Variants in TTC28 observed in about 807,000 individuals in gnomAD.
The protein encoded by TTC28 is tetratricopeptide repeat protein 28.
Under a neutral mutation model 198.0 loss-of-function variants are expected in TTC28, and 61 were observed. That is an observed-to-expected ratio of 0.31 (90% CI 0.25 to 0.38). The LOEUF (loss-of-function observed/expected upper bound fraction) is 0.38. Among genes scored for constraint, TTC28 ranks in the 10% least tolerant of loss-of-function variants. TTC28 has a pLI of 1.00. For missense variants in TTC28, 2,678 were observed against 3,164.0 expected (o/e 0.85, Z 3.69); for synonymous variants, 1,171 against 1,297.8 (o/e 0.90, Z 2.10).
intron 2 of TTC28, among the ~76,000 whole-genome samples, chr22:28,426,787 A>G (rs573955261): frequency 1.3e-5 from 2 of 152,312 alleles, no homozygotes; most frequent in East Asian, 3.9e-4. Context: ...TTAGAGGTCC[A>G]AAAGAATAAC....
intron 12 of TTC28, among the ~76,000 whole-genome samples, chr22:28,040,634 G>A (rs760816831): frequency 2.6e-5 from 4 of 152,100 alleles, no homozygotes; most frequent in Non-Finnish European, 4.4e-5. Context: ...ATACCATACC[G>A]AATGGGCAAA....
chr22:28,129,216 G>A (rs1275941247), intron 6 of TTC28, among the ~76,000 whole-genome samples: 1 of 152,120 alleles, frequency 6.6e-6, no homozygotes, highest in African/African-American at 2.4e-5. Context: ...CCATTAACAG[G>A]GGCAAACTAA....
intron 5 of TTC28, among the ~76,000 whole-genome samples, chr22:28,243,030 T>G (rs1929771856): frequency 2.8e-5 from 4 of 144,712 alleles, no homozygotes; most frequent in Admixed American, 2.8e-4. Context: ...CTATTTAATC[T>G]AATAATTAAA....
chr22:28,067,808 C>T (rs756487736), intron 12 of TTC28, among the ~76,000 whole-genome samples: 1 of 152,176 alleles, frequency 6.6e-6, no homozygotes, highest in Non-Finnish European at 1.5e-5. Flanking sequence ...AGACACTTCA[C>T]AGCTGTTCTT....
intron 5 of TTC28, among the ~76,000 whole-genome samples, chr22:28,227,424 G>A (rs543153314): frequency 9.9e-5 from 15 of 152,142 alleles, no homozygotes; most frequent in Non-Finnish European, 1.6e-4. Context: ...TTTGTGTATC[G>A]AAGGTCACTA....
intron 2 of TTC28, among the ~76,000 whole-genome samples, chr22:28,342,923 C>A (rs746300892): frequency 1.3e-5 from 2 of 152,052 alleles, no homozygotes; most frequent in Admixed American, 1.3e-4. Flanking sequence ...ATTAGGTCCA[C>A]GAGAGGAAAT....
intron 21 of TTC28, among the ~76,000 whole-genome samples, chr22:27,989,254 T>A (rs1937314558): frequency 6.6e-6 from 1 of 152,196 alleles, no homozygotes; most frequent in Admixed American, 6.5e-5. Flanking sequence ...GTACCCATGG[T>A]CTCTCAGAGG....
intron 19 of TTC28, 158 bp downstream of exon 19, chr22:27,992,428 AG>A: frequency 8.3e-6 from 6 of 726,310 alleles, no homozygotes; most frequent in Middle Eastern, 4.0e-4. Flanking sequence ...CTTGCCAGGC[AG>A]GGCTATTCTC....
At chr22:28,350,764 A>G (rs1455193020) in intron 2 of TTC28, among the ~76,000 whole-genome samples, 2 of 152,258 alleles carry the variant, frequency 1.3e-5, no homozygotes, top group African/African-American at 4.8e-5. Flanking sequence ...AAAATAACCT[A>G]AGAGATATTT....
chr22:28,308,863 T>G (rs1282698081), intron 2 of TTC28, among the ~76,000 whole-genome samples: 1 of 152,190 alleles, frequency 6.6e-6, no homozygotes, highest in Non-Finnish European at 1.5e-5. Context: ...TTTATAAGAT[T>G]TACCTGTTAA....
chr22:28,163,362 G>T lies in TTC28; in HGVS notation c.1171C>A (p.Arg391=). 3.2e-6 allele frequency: 5 copies of T among 1,552,024 alleles called. No individual in the cohort carries two copies. Among genetic ancestry groups the T allele is most frequent in the Non-Finnish European group, 4.4e-6 (5 of 1,147,068 alleles). ...TTGCTATAAGCCCGGGCCTCTTCTC[G>T]CTTGTTCCCCAGGTCCTTGGCTATC... ...LKIAKDLGNK[R]EEARAYSNLG... The change falls in exon 6 of 23, where the codon CGA becomes AGA. Residue 391 remains arginine, a synonymous_variant. Coordinates refer to ENST00000397906, the MANE Select transcript of TTC28 (RefSeq NM_001145418.2).
chr22:28,177,617 A>C (rs1301371088), intron 5 of TTC28, among the ~76,000 whole-genome samples: 1 of 152,222 alleles, frequency 6.6e-6, no homozygotes, highest in Non-Finnish European at 1.5e-5. Flanking sequence ...TGTCTTTCAA[A>C]AGGTGAATGG....
chr22:28,075,076 A>G (rs1389179186), intron 12 of TTC28, among the ~76,000 whole-genome samples: 2 of 151,908 alleles, frequency 1.3e-5, no homozygotes. Context: ...TAACAGAGAG[A>G]GATTCTGTCT....
chr22:28,429,349 C>A (rs1295408869), intron 2 of TTC28, among the ~76,000 whole-genome samples: 1 of 152,158 alleles, frequency 6.6e-6, no homozygotes, highest in Non-Finnish European at 1.5e-5. Context: ...GGGCCTCAAA[C>A]ACAGAAAAGT....
chr22:28,600,833 TAA>T (rs1309336180), intron 2 of TTC28, among the ~76,000 whole-genome samples: 4 of 152,220 alleles, frequency 2.6e-5, no homozygotes, highest in Non-Finnish European at 4.4e-5. Flanking sequence ...CAAGGATTTA[TAA>T]AAGATTCTTC....
At chr22:28,228,573 A>G (rs1928533523) in intron 5 of TTC28, among the ~76,000 whole-genome samples, 1 of 151,814 alleles carries the variant, frequency 6.6e-6, no homozygotes, top group Non-Finnish European at 1.5e-5. Context: ...GGTGGTGTGC[A>G]ACTGTAATCC....
chr22:28,157,416 G>A (rs998573127), intron 6 of TTC28, among the ~76,000 whole-genome samples: 1 of 152,152 alleles, frequency 6.6e-6, no homozygotes, highest in African/African-American at 2.4e-5. Flanking sequence ...AAGAAACAGA[G>A]AAGAGAATAC....
chr22:28,351,620 T>C (rs546554792), intron 2 of TTC28, among the ~76,000 whole-genome samples: 2 of 152,316 alleles, frequency 1.3e-5, no homozygotes, highest in Non-Finnish European at 2.9e-5. Flanking sequence ...CAGATGTTCA[T>C]TCAGAGCCAA....
At chr22:28,661,199 C>T (rs1485337553) in intron 1 of TTC28, among the ~76,000 whole-genome samples, 1 of 151,874 alleles carries the variant, frequency 6.6e-6, no homozygotes, top group Non-Finnish European at 1.5e-5. Context: ...CAGGAGAATC[C>T]CTTGAACCCA....
Sources: allele counts gnomAD v4.1 joint callset (sites outside exome capture counted in the v4.1 genomes callset), GRCh38; gene constraint gnomAD v4.1.1; transcripts MANE v1.5; gene names NCBI Gene and HGNC (gene_info 2026-07-23, HGNC 2026-07-21).